Variants in RBM20 observed in about 807,000 individuals in gnomAD.
The protein encoded by RBM20 is RNA binding motif protein 20, also known as RNA-binding protein 20.
In RBM20, 51 loss-of-function variants were observed where a neutral mutation model predicts 110.1. The ratio of observed to expected loss-of-function variants is 0.46; its 90% CI spans 0.37 to 0.59. The LOEUF is 0.59. Ranked by LOEUF, RBM20 falls within the 20% of genes least tolerant of loss-of-function variation. The probability of loss-of-function intolerance (pLI) is 0.00; values close to 1 mark genes in which losing one functional copy is unlikely to be tolerated. For synonymous variants in RBM20, 589 were observed against 618.2 expected (o/e 0.95, Z 0.70); for missense variants, 1,512 against 1,574.9 (o/e 0.96, Z 0.68).
At chr10:110,734,837 G>A (rs117177806) in intron 1 of RBM20, among the ~76,000 whole-genome samples, 1,857 of 152,092 alleles carry the variant, frequency 0.012, 22 homozygotes, top group South Asian at 0.026. Context: ...CAGTTTTAGC[G>A]ACTTTTGGTC....
chr10:110,741,402 A>G (rs1843723998), intron 1 of RBM20, among the ~76,000 whole-genome samples: 1 of 152,122 alleles, frequency 6.6e-6, no homozygotes, highest in African/African-American at 2.4e-5. Context: ...TTTCCACATT[A>G]TATCTTCTGG....
intron 1 of RBM20, among the ~76,000 whole-genome samples, chr10:110,695,975 G>T (rs1449109680): frequency 1.3e-5 from 2 of 152,236 alleles, no homozygotes; most frequent in African/African-American, 4.8e-5. Context: ...GCCTGAGCCA[G>T]TGTCACTCAC....
intron 1 of RBM20, among the ~76,000 whole-genome samples, chr10:110,762,104 A>G (rs1251822567): frequency 6.6e-6 from 1 of 152,244 alleles, no homozygotes; most frequent in Non-Finnish European, 1.5e-5. Context: ...TTTGGAATCC[A>G]ACAAACATTG....
intron 13 of RBM20, among the ~76,000 whole-genome samples, chr10:110,831,787 G>C (rs4918603): frequency 6.6e-6 from 1 of 152,090 alleles, no homozygotes; most frequent in Non-Finnish European, 1.5e-5. Context: ...AGGGATACTG[G>C]AACAACAACA....
chr10:110,817,566 C>T lies in RBM20; in HGVS notation c.2551-2506C>T, dbSNP rs552589415. 3.3e-5 allele frequency among the ~76,000 whole-genome samples: 5 copies of T among 152,316 alleles called. No individual in the cohort carries two copies. The East Asian group carries it at 9.6e-4, about 29-fold the overall frequency. ...ACTATAGTTAGTGACACTGAAATGA[C>T]CCCTGGGCTCGTGGAGCTCATAGTC... On this transcript the variant is annotated intron_variant, in intron 9 of 13. Transcript: ENST00000369519.
chr10:110,674,892 T>C (rs1039453426), intron 1 of RBM20, among the ~76,000 whole-genome samples: 17 of 152,258 alleles, frequency 1.1e-4, no homozygotes, highest in African/African-American at 3.9e-4. Flanking sequence ...CTCTGTATTA[T>C]TGCCTATGGA....
At chr10:110,773,862 A>T (rs1844225437) in intron 1 of RBM20, among the ~76,000 whole-genome samples, 1 of 152,166 alleles carries the variant, frequency 6.6e-6, no homozygotes, top group Non-Finnish European at 1.5e-5. Context: ...GCTCTGCCTG[A>T]TAAGCGACGT....
intron 12 of RBM20, 142 bp from the exon 13 acceptor site, chr10:110,830,919 G>C (rs1455624162): frequency 1.3e-6 from 1 of 746,044 alleles, no homozygotes; most frequent in Non-Finnish European, 2.1e-6. Flanking sequence ...GAGGCTTGGA[G>C]AAGCTCAGTA....
Position 110,713,023 on chromosome 10 carries a change from C to A in RBM20, c.192-67778C>A, listed in dbSNP as rs150097318. On this transcript the variant is annotated intron_variant, in intron 1 of 13. Transcript: ENST00000369519. ...CCTTCCTCTTTGACTGCCTCAGTTT[C>A]CCCCAGAATACCTCTTGTGATGCTT... 4.3e-4 allele frequency among the ~76,000 whole-genome samples: 65 copies of A among 152,326 alleles called. No individual in the cohort carries two copies. The East Asian group carries it at 0.012, about 27-fold the overall frequency.
chr10:110,803,812 C>CAAAA (rs58202648), intron 7 of RBM20, among the ~76,000 whole-genome samples: 11 of 57,186 alleles, frequency 1.9e-4, no homozygotes, highest in South Asian at 2.4e-3. Flanking sequence ...TTGGCTTAAG[C>CAAAA]AAAAAAAAAA....
intron 1 of RBM20, among the ~76,000 whole-genome samples, chr10:110,702,884 G>C (rs1862779765): frequency 6.6e-6 from 1 of 152,060 alleles, no homozygotes; most frequent in Admixed American, 6.5e-5. Flanking sequence ...GAGTCAATGA[G>C]TTAACCTTTA....
intron 1 of RBM20, among the ~76,000 whole-genome samples, chr10:110,670,305 A>G (rs1376940438): frequency 1.3e-5 from 2 of 152,198 alleles, no homozygotes; most frequent in Non-Finnish European, 1.5e-5. Flanking sequence ...TCAAGAAATG[A>G]TCTAGCTCAC....
At chr10:110,794,222 C>T (rs570427130) in intron 5 of RBM20, among the ~76,000 whole-genome samples, 24 of 152,318 alleles carry the variant, frequency 1.6e-4, no homozygotes, top group African/African-American at 5.8e-4. Context: ...TACTATTCTA[C>T]ATCTTGTATG....
intron 5 of RBM20, among the ~76,000 whole-genome samples, chr10:110,787,492 A>G (rs1380295899): frequency 6.6e-6 from 1 of 152,226 alleles, no homozygotes; most frequent in East Asian, 1.9e-4. Context: ...TCTGCTGGCC[A>G]TAGGATTTTG....
At chr10:110,799,164 G>A (rs1418523352) in intron 6 of RBM20, among the ~76,000 whole-genome samples, 3 of 152,158 alleles carry the variant, frequency 2.0e-5, no homozygotes, top group Admixed American at 2.0e-4. Flanking sequence ...CAAAGCTTGT[G>A]TCTCTTGCTG....
chr10:110,781,132 A>G lies in RBM20; in HGVS notation c.523A>G (p.Ser175Gly), dbSNP rs553309602. The G allele has an allele frequency of 8.4e-6, 13 of 1,551,550 alleles. No homozygotes were observed. The African/African-American group carries it at 1.2e-4, about 15-fold the overall frequency. Residue 175 changes from serine (S) to glycine (G), a missense_variant, in exon 2 of 14, where the codon AGC (serine) becomes GGC (glycine). By Grantham distance (56) the Ser-to-Gly change is moderately conservative. Around this residue, in one of 3 missense-constraint regions of RBM20, gnomAD observed 1,149 missense variants for 1,169.4 expected, o/e 0.98. Transcript: ENST00000369519. ...TAATGCAATTGCCTTTTCACCCCCC[A>G]GCCAGACACGAGGCCCCGGACCCTC... ...PSNAIAFSPP[S>G]QTRGPGPSMN...
At chr10:110,834,404 C>CTCTCATCTG (rs975396041) in intron 13 of RBM20, among the ~76,000 whole-genome samples, 4 of 152,178 alleles carry the variant, frequency 2.6e-5, no homozygotes, top group African/African-American at 9.7e-5. Flanking sequence ...CACACACACC[C>CTCTCATCTG]TCTCATCTGA....
chr10:110,798,070 T>C (rs1590686165), intron 6 of RBM20, among the ~76,000 whole-genome samples: 1 of 152,224 alleles, frequency 6.6e-6, no homozygotes, highest in Non-Finnish European at 1.5e-5. Flanking sequence ...CTAGGTATTT[T>C]TCCTGGTCCT....
chr10:110,751,316 T>C (rs1843850746), intron 1 of RBM20, among the ~76,000 whole-genome samples: 1 of 152,172 alleles, frequency 6.6e-6, no homozygotes, highest in Non-Finnish European at 1.5e-5. Flanking sequence ...GACTGTGAGA[T>C]AAAGTGACAA....
Sources: allele counts gnomAD v4.1 joint callset (sites outside exome capture counted in the v4.1 genomes callset), GRCh38; gene constraint gnomAD v4.1.1; regional missense constraint gnomAD v4.1.1; transcripts MANE v1.5; gene names NCBI Gene and HGNC (gene_info 2026-07-23, HGNC 2026-07-21).